The following SATB2 variants were observed in gnomAD, a reference collection of about 807,000 sequenced individuals.
SATB2 encodes SATB homeobox 2, also known as DNA-binding protein SATB2.
A neutral mutation model predicts 73.4 loss-of-function variants in SATB2; 1 was observed. The observed-to-expected ratio is 0.01, with a 90% CI of 0.00 to 0.06. The LOEUF is 0.06. Among genes scored for constraint, SATB2 ranks in the 10% least tolerant of loss-of-function variants. The pLI is 1.00. For missense variants in SATB2, 459 were observed against 945.8 expected, an observed-to-expected ratio of 0.49 and a Z score of 6.75; for synonymous variants, 397 against 367.0, an observed-to-expected ratio of 1.08 and a Z score of -0.93.
Position 199,455,836 on chromosome 2 carries a change from C to T in SATB2, c.169+33G>A, listed in dbSNP as rs1453494293. The stretch of plus-strand genomic sequence containing the variant: ...CACCCGGGCCATTATCACTGGGCCG[C>T]GGGCTGCGCGCCTCCCTGCTCCGGG... On this transcript the variant is annotated intron_variant, in intron 2 of 10. Transcript: ENST00000417098. This position sits in a 1 kb window ranked among gnomAD's most constrained non-coding sequence, Gnocchi z 4.1. 1.3e-6 allele frequency: 2 copies of T among 1,533,674 alleles called. No individual in the cohort carries two copies. The highest frequency in any genetic ancestry group is 2.0e-5 in the Admixed American group (1 of 50,974).
intron 3 of SATB2, among the ~76,000 whole-genome samples, chr2:199,416,799 G>A (rs1001662173): frequency 6.6e-6 from 1 of 152,132 alleles, no homozygotes; most frequent in Non-Finnish European, 1.5e-5. Context: ...CACTTTGGGA[G>A]GCTGAAGCAG....
chr2:199,388,720 G>A (rs1051996670), intron 3 of SATB2, among the ~76,000 whole-genome samples: 4 of 151,878 alleles, frequency 2.6e-5, no homozygotes, highest in African/African-American at 4.8e-5. Context: ...GCTGGGGTTT[G>A]TATATCTCAT....
intron 7 of SATB2, among the ~76,000 whole-genome samples, chr2:199,345,778 A>G (rs901042040): frequency 2.0e-5 from 3 of 152,176 alleles, no homozygotes; most frequent in Admixed American, 2.0e-4. Context: ...TCTTGCTATC[A>G]AACCTCCATA....
At chr2:199,385,930 G>A (rs868499724) in intron 3 of SATB2, among the ~76,000 whole-genome samples, 5 of 152,020 alleles carry the variant, frequency 3.3e-5, no homozygotes, top group African/African-American at 7.2e-5. Context: ...ATGGGGATAC[G>A]AACAATGCCT....
chr2:199,381,586 T>C, intron 4 of SATB2, 108 bp downstream of exon 4: 2 of 1,458,854 alleles, frequency 1.4e-6, no homozygotes, highest in Non-Finnish European at 1.9e-6. Flanking sequence ...TTTCATTTTG[T>C]CCAATGTCCA....
intron 7 of SATB2, among the ~76,000 whole-genome samples, chr2:199,332,337 C>G (rs149381263): frequency 6.6e-6 from 1 of 152,034 alleles, no homozygotes; most frequent in East Asian, 1.9e-4. Flanking sequence ...AGAGAGATAC[C>G]CTCCAAAATA....
chr2:199,310,443 T>C (rs541135715), intron 9 of SATB2, among the ~76,000 whole-genome samples: 68 of 152,348 alleles, frequency 4.5e-4, no homozygotes, highest in Admixed American at 1.9e-3. Flanking sequence ...AGGTCATGGT[T>C]GATTTTCAAG....
At chr2:199,315,410 C>A (rs1687703399) in intron 9 of SATB2, among the ~76,000 whole-genome samples, 1 of 152,012 alleles carries the variant, frequency 6.6e-6, no homozygotes, top group African/African-American at 2.4e-5. Flanking sequence ...TAATATGGCC[C>A]AGTGTTCAAG....
chr2:199,274,414 T>C (rs1464484589), intron 10 of SATB2, among the ~76,000 whole-genome samples: 1 of 152,004 alleles, frequency 6.6e-6, no homozygotes, highest in African/African-American at 2.4e-5. Flanking sequence ...GATGAAAAAA[T>C]ACTTTCCCAC....
chr2:199,347,125 G>C (rs900676826), intron 7 of SATB2: 1 of 152,112 alleles, frequency 6.6e-6, no homozygotes, highest in Non-Finnish European at 1.5e-5. Context: ...GCCCACCTTG[G>C]CCTCCCAAAG....
intron 5 of SATB2, among the ~76,000 whole-genome samples, chr2:199,377,036 A>T (rs1689624887): frequency 6.6e-6 from 1 of 152,204 alleles, no homozygotes; most frequent in African/African-American, 2.4e-5. Flanking sequence ...AGAGAAGGAG[A>T]TTACTAACTT....
chr2:199,328,289 C>G (rs1688087314), intron 8 of SATB2, among the ~76,000 whole-genome samples: 1 of 152,102 alleles, frequency 6.6e-6, no homozygotes, highest in Non-Finnish European at 1.5e-5. Context: ...GCCTGTAATC[C>G]CAGCACTTTG....
At chr2:199,453,565 G>T (rs960237244) in intron 2 of SATB2, among the ~76,000 whole-genome samples, 2 of 151,874 alleles carry the variant, frequency 1.3e-5, no homozygotes, top group African/African-American at 2.4e-5. Flanking sequence ...AACTAGAAAT[G>T]TATTTTAAAC....
chr2:199,460,732 A>G (rs1263765369), upstream of SATB2, among the ~76,000 whole-genome samples: 1 of 152,260 alleles, frequency 6.6e-6, no homozygotes, highest in Non-Finnish European at 1.5e-5. This position sits in a 1 kb window ranked among gnomAD's most constrained non-coding sequence, Gnocchi z 4.0. Context: ...TGTCAACAGC[A>G]TGATTTGCAG....
chr2:199,301,124 G>A (rs977615367), intron 10 of SATB2, among the ~76,000 whole-genome samples: 2 of 151,994 alleles, frequency 1.3e-5, no homozygotes, highest in Non-Finnish European at 2.9e-5. Context: ...AGCTTCTACA[G>A]GAAAGTCACT....
At chr2:199,358,829 T>C (rs1689059817) in intron 6 of SATB2, among the ~76,000 whole-genome samples, 1 of 152,156 alleles carries the variant, frequency 6.6e-6, no homozygotes, top group Non-Finnish European at 1.5e-5. Flanking sequence ...TTATGTTCCA[T>C]GGAAAAAGTG....
chr2:199,456,509 G>C (rs1165215157), intron 1 of SATB2, among the ~76,000 whole-genome samples: 1 of 152,258 alleles, frequency 6.6e-6, no homozygotes, highest in African/African-American at 2.4e-5. Context: ...GAAGGGAGTT[G>C]GGGGTGTGCG....
At chr2:199,402,216 C>T (rs1260270361) in intron 3 of SATB2, among the ~76,000 whole-genome samples, 1 of 152,066 alleles carries the variant, frequency 6.6e-6, no homozygotes, top group African/African-American at 2.4e-5. Flanking sequence ...GAAACCCCGT[C>T]TCTACTAAAA....
At chr2:199,399,680 AAAG>A (rs1690412690) in intron 3 of SATB2, among the ~76,000 whole-genome samples, 2 of 152,180 alleles carry the variant, frequency 1.3e-5, no homozygotes, top group South Asian at 2.1e-4. Context: ...TGGGGACGGC[AAAG>A]GAGGAGCGAG....
Sources: allele counts gnomAD v4.1 joint callset (sites outside exome capture counted in the v4.1 genomes callset), GRCh38; gene constraint gnomAD v4.1.1; non-coding constraint Gnocchi (gnomAD v3.1); transcripts MANE v1.5; gene names NCBI Gene and HGNC (gene_info 2026-07-23, HGNC 2026-07-21).